Variants in SEMA3A observed in about 807,000 individuals in gnomAD.
SEMA3A encodes the protein semaphorin-3A.
Under a neutral mutation model 97.9 loss-of-function variants are expected in SEMA3A, and 29 were observed. The observed-to-expected ratio is 0.30, with a 90% CI of 0.22 to 0.40. The LOEUF is 0.40. SEMA3A is among the 10% of genes least tolerant of loss of function. The pLI is 1.00. For synonymous variants in SEMA3A, 321 were observed against 323.7 expected, an observed-to-expected ratio of 0.99 and a Z score of 0.09; for missense variants, 763 against 951.3, an observed-to-expected ratio of 0.80 and a Z score of 2.60.
intron 1 of SEMA3A, among the ~76,000 whole-genome samples, chr7:84,388,549 C>T (rs1673104936): frequency 6.6e-6 from 1 of 151,806 alleles, no homozygotes; most frequent in African/African-American, 2.4e-5. Context: ...TCTATATTTC[C>T]AGACAACAAG....
chr7:84,413,024 T>C (rs1298527427), intron 1 of SEMA3A, among the ~76,000 whole-genome samples: 1 of 152,068 alleles, frequency 6.6e-6, no homozygotes, highest in African/African-American at 2.4e-5. Context: ...CTTTTCTATT[T>C]TTGGAAGGAA....
chr7:84,319,855 A>G (rs2115903632), intron 2 of SEMA3A, among the ~76,000 whole-genome samples: 1 of 152,324 alleles, frequency 6.6e-6, no homozygotes, highest in East Asian at 1.9e-4. Flanking sequence ...GTGTTTTTCA[A>G]TATTTTTATA....
intron 2 of SEMA3A, among the ~76,000 whole-genome samples, chr7:84,346,725 A>G: frequency 6.6e-6 from 1 of 152,222 alleles, no homozygotes; most frequent in East Asian, 1.9e-4. Context: ...ACAGATCAAC[A>G]AAACAACTAT....
intron 5 of SEMA3A, among the ~76,000 whole-genome samples, chr7:84,052,551 G>A (rs1792728105): frequency 6.6e-6 from 1 of 151,896 alleles, no homozygotes; most frequent in Non-Finnish European, 1.5e-5. Context: ...TGGGATCGGT[G>A]GTGATATCCC....
intron 1 of SEMA3A, among the ~76,000 whole-genome samples, chr7:84,414,431 A>G (rs1373533217): frequency 6.6e-6 from 1 of 151,962 alleles, no homozygotes; most frequent in Non-Finnish European, 1.5e-5. Flanking sequence ...ATGTAGCCTC[A>G]AAGCAACACC....
At chr7:84,451,005 T>C (rs1186110602) in intron 1 of SEMA3A, among the ~76,000 whole-genome samples, 1 of 152,210 alleles carries the variant, frequency 6.6e-6, no homozygotes, top group Non-Finnish European at 1.5e-5. Context: ...AGAAGCTTTT[T>C]AATTTGATGT....
chr7:84,324,625 G>A (rs1334860213), intron 2 of SEMA3A, among the ~76,000 whole-genome samples: 2 of 152,086 alleles, frequency 1.3e-5, no homozygotes. Flanking sequence ...AACAAAATAT[G>A]TAATTTTTTT....
At chr7:84,277,404 G>A (rs1378157882) in intron 3 of SEMA3A, among the ~76,000 whole-genome samples, 1 of 151,998 alleles carries the variant, frequency 6.6e-6, no homozygotes, top group African/African-American at 2.4e-5. Flanking sequence ...AAGGGCCCGT[G>A]AATAGCAAAA....
intron 6 of SEMA3A, among the ~76,000 whole-genome samples, chr7:84,031,435 G>A (rs561233362): frequency 2.6e-5 from 4 of 152,218 alleles, no homozygotes; most frequent in South Asian, 2.1e-4. Context: ...ATGAGTCAAA[G>A]ATAAACTGAT....
rs1169607415 is a variant in SEMA3A at position 84,405,874 on chromosome 7, G to C, written c.-245-33974C>G. ...ATGAGAACAAAGACACAACATACCA[G>C]AATCTCTGGGACACATTCAAAGCAG... On this transcript the variant is annotated intron_variant, in intron 1 of 3. Transcript: ENST00000424555. Among the ~76,000 whole-genome samples, 3 of 152,102 alleles carry C rather than the reference G, an allele frequency of 2.0e-5. No individual in the cohort carries two copies. In the East Asian group the frequency reaches 5.8e-4, roughly 29 times the overall value.
intron 4 of SEMA3A, among the ~76,000 whole-genome samples, chr7:84,062,773 C>T (rs1192694545): frequency 6.6e-6 from 1 of 152,200 alleles, no homozygotes; most frequent in Admixed American, 6.5e-5. Context: ...GGTCCTACAC[C>T]CACGGAGTCT....
Position 83,956,478 on chromosome 7 carries a change from G to T in SEMA3A, c.*4893C>A, listed in dbSNP as rs916005201. ...TGAAATACAGATGAGTTTGAAGACGGTTGTGGGAACACTGTCTAGTGCTAT... is the reference window on the plus strand; with the variant it reads ...TGAAATACAGATGAGTTTGAAGACGTTTGTGGGAACACTGTCTAGTGCTAT... On this transcript the variant is annotated 3_prime_UTR_variant, in exon 17 of 17. Coordinates refer to ENST00000265362, the MANE Select transcript of SEMA3A (RefSeq NM_006080.3). 1 of 152,168 alleles carries T rather than the reference G, an allele frequency of 6.6e-6. No homozygotes were observed. Among genetic ancestry groups the T allele is most frequent in the Non-Finnish European group, 1.5e-5 (1 of 68,030 alleles). 9.4% of individuals were successfully genotyped at this position (152,168 alleles called of 1,614,324 possible).
chr7:84,185,282 C>T (rs1280297471), intron 1 of SEMA3A, among the ~76,000 whole-genome samples: 6 of 151,942 alleles, frequency 3.9e-5, no homozygotes, highest in Admixed American at 2.0e-4. Context: ...TTGCCGGGTA[C>T]CATGAACCTA....
At chr7:84,481,240 T>A (rs1415681401) in intron 1 of SEMA3A, among the ~76,000 whole-genome samples, 1 of 152,200 alleles carries the variant, frequency 6.6e-6, no homozygotes. Context: ...AGGGACCCAC[T>A]GGTCTTTTAA....
At chr7:84,085,271 C>A (rs1378743976) in intron 4 of SEMA3A, among the ~76,000 whole-genome samples, 5 of 150,618 alleles carry the variant, frequency 3.3e-5, no homozygotes, top group African/African-American at 9.8e-5. Flanking sequence ...CAATGGACTG[C>A]ATTGAAGTTT....
At chr7:84,080,042 T>C (rs1478710521) in intron 4 of SEMA3A, among the ~76,000 whole-genome samples, 4 of 145,238 alleles carry the variant, frequency 2.8e-5, no homozygotes, top group East Asian at 2.1e-4. Context: ...GATGAGTTCA[T>C]GTCCTTTGTA....
At chr7:84,069,678 A>G (rs1282878725) in intron 4 of SEMA3A, among the ~76,000 whole-genome samples, 3 of 152,112 alleles carry the variant, frequency 2.0e-5, no homozygotes, top group Non-Finnish European at 4.4e-5. Context: ...CAAAAGGAAT[A>G]TAACTGCCGA....
rs762438790 is a variant in SEMA3A at position 84,014,297 on chromosome 7, T to A, written c.722A>T (p.Asp241Val). ...TTCACGGAAGAAAAAGTATACTTTG[T>A]CATCTTCAGGATTGTCACTCTCTGA... ...LISESDNPED[D>V]KVYFFFRENA... The change falls in exon 7 of 17, where the codon GAC (aspartate) becomes GTC (valine). Residue 241 changes from aspartate (D) to valine (V), a missense_variant. Asp to Val is a radical substitution (Grantham distance 152). Around this residue, in one of 2 missense-constraint regions of SEMA3A, gnomAD observed 678 missense variants for 881.3 expected, o/e 0.77. Coordinates refer to ENST00000265362, the MANE Select transcript of SEMA3A (RefSeq NM_006080.3). 1 of 1,613,180 alleles carries A rather than the reference T, an allele frequency of 6.2e-7. No individual in the cohort carries two copies. Among genetic ancestry groups the A allele is most frequent in the Non-Finnish European group, 8.5e-7 (1 of 1,179,424 alleles).
intron 4 of SEMA3A, among the ~76,000 whole-genome samples, chr7:84,073,253 C>T (rs1010122151): frequency 2.0e-4 from 30 of 151,576 alleles, no homozygotes; most frequent in African/African-American, 4.6e-4. Flanking sequence ...TGTAGAAAGA[C>T]GTGTGTGTAT....
Sources: gnomAD v4.1 joint callset for allele counts (sites outside exome capture counted in the v4.1 genomes callset) on GRCh38, gnomAD v4.1.1 for gene constraint, gnomAD v4.1.1 regional missense constraint, MANE v1.5 for transcripts, NCBI Gene and HGNC (gene_info 2026-07-23, HGNC 2026-07-21) for gene names.